RGS6: variants seen among roughly 807,000 people sequenced by gnomAD.
The protein encoded by RGS6 is regulator of G protein signaling 6.
Under a neutral mutation model 78.5 loss-of-function variants are expected in RGS6, and 30 were observed. The ratio of observed to expected loss-of-function variants is 0.38; its 90% CI spans 0.29 to 0.52. RGS6 has a LOEUF of 0.52. Among genes scored for constraint, RGS6 ranks in the 20% least tolerant of loss-of-function variants. The pLI, the probability that RGS6 is intolerant of heterozygous loss-of-function variation, is 0.85. For synonymous variants in RGS6, 206 were observed against 206.0 expected (o/e 1.00, Z 0.00); for missense variants, 495 against 609.7 (o/e 0.81, Z 1.98).
intron 15 of RGS6, among the ~76,000 whole-genome samples, chr14:72,531,537 T>TA (rs1406305399): frequency 4.0e-5 from 6 of 151,148 alleles, no homozygotes; most frequent in Admixed American, 3.3e-4. Flanking sequence ...CTTTTGTAAA[T>TA]ATGAGGGTAT....
intron 2 of RGS6, among the ~76,000 whole-genome samples, chr14:71,997,438 A>G (rs531213126): frequency 6.6e-6 from 1 of 152,342 alleles, no homozygotes; most frequent in African/African-American, 2.4e-5. Flanking sequence ...CATAGCCTAG[A>G]AGGACATAGA....
intron 4 of RGS6, among the ~76,000 whole-genome samples, chr14:72,457,928 C>T (rs926863102): frequency 6.6e-6 from 1 of 152,204 alleles, no homozygotes; most frequent in South Asian, 2.1e-4. Flanking sequence ...CTGTACCAGA[C>T]AATCACTTCA....
chr14:72,021,887 G>GC (rs34914162), intron 2 of RGS6, among the ~76,000 whole-genome samples: 3 of 151,964 alleles, frequency 2.0e-5, no homozygotes, highest in East Asian at 1.9e-4. Context: ...GGTGTATTAA[G>GC]CCTAGTACCC....
At chr14:71,921,089 G>T in the RGS6 span, among the ~76,000 whole-genome samples, 1 of 152,110 alleles carries the variant, frequency 6.6e-6, no homozygotes, top group Non-Finnish European at 1.5e-5. Flanking sequence ...ATAGCCAACT[G>T]GTATATGAAA....
At chr14:72,396,364 C>T (rs951382004) in intron 3 of RGS6, among the ~76,000 whole-genome samples, 4 of 152,150 alleles carry the variant, frequency 2.6e-5, no homozygotes, top group East Asian at 1.9e-4. Context: ...TCATATCCTT[C>T]ACCCACTTTT....
chr14:72,184,369 AACACAC>A (rs10638767), intron 2 of RGS6, among the ~76,000 whole-genome samples: 19,375 of 141,284 alleles, frequency 0.14, 1,488 homozygotes, highest in Admixed American at 0.17. Context: ...TTTACTTTCA[AACACAC>A]ACACACACAC....
chr14:72,328,817 G>C (rs1391882199), intron 2 of RGS6, among the ~76,000 whole-genome samples: 1 of 152,140 alleles, frequency 6.6e-6, no homozygotes, highest in Admixed American at 6.5e-5. Context: ...ATCTTACTGA[G>C]AAAAATGTGA....
At chr14:72,510,757 T>A (rs992192201) in intron 14 of RGS6, among the ~76,000 whole-genome samples, 1 of 152,220 alleles carries the variant, frequency 6.6e-6, no homozygotes, top group African/African-American at 2.4e-5. Context: ...ACTGGTGATG[T>A]AACTGTAGCA....
At chr14:71,986,879 C>G (rs1409665578) in intron 2 of RGS6, among the ~76,000 whole-genome samples, 1 of 152,132 alleles carries the variant, frequency 6.6e-6, no homozygotes, top group Non-Finnish European at 1.5e-5. Flanking sequence ...AGTCATAGCC[C>G]CACATCAGTC....
At chr14:72,370,724 A>T (rs2239225) in intron 3 of RGS6, among the ~76,000 whole-genome samples, 89,358 of 152,074 alleles carry the variant, frequency 0.59, 28,328 homozygotes, top group African/African-American at 0.84. Flanking sequence ...TGAAAAAAAA[A>T]TTTTTTAACA....
chr14:72,474,258 G>T (rs1447932868), intron 9 of RGS6, among the ~76,000 whole-genome samples: 2 of 152,040 alleles, frequency 1.3e-5, no homozygotes, highest in Non-Finnish European at 2.9e-5. Context: ...CTTAAAATTT[G>T]ATTAAAAGCA....
At chr14:72,492,796 C>T (rs964312351) in intron 12 of RGS6, among the ~76,000 whole-genome samples, 1 of 152,168 alleles carries the variant, frequency 6.6e-6, no homozygotes, top group Non-Finnish European at 1.5e-5. Context: ...TGGGCCAAAC[C>T]ATACTCCATT....
chr14:71,876,823 A>T, the RGS6 span, among the ~76,000 whole-genome samples: 12 of 151,888 alleles, frequency 7.9e-5, no homozygotes, highest in African/African-American at 2.7e-4. Flanking sequence ...CCAATTGTTC[A>T]TTTTCATTTT....
chr14:71,942,430 C>T (rs564229266), intron 1 of RGS6, among the ~76,000 whole-genome samples: 1 of 152,110 alleles, frequency 6.6e-6, no homozygotes, highest in South Asian at 2.1e-4. Context: ...CCTTGCTCCC[C>T]TCTCCTCATC....
chr14:71,939,948 C>T (rs1037124066), intron 1 of RGS6, among the ~76,000 whole-genome samples: 5 of 152,224 alleles, frequency 3.3e-5, no homozygotes, highest in South Asian at 2.1e-4. Context: ...ATAGCCGTCA[C>T]CCTACTAGTC....
chr14:72,462,778 T>C (rs1367010323), intron 6 of RGS6, among the ~76,000 whole-genome samples: 1 of 152,204 alleles, frequency 6.6e-6, no homozygotes, highest in Non-Finnish European at 1.5e-5. Context: ...TCACTTCATT[T>C]CTCTGGGCCT....
At chr14:72,029,727 C>A (rs1347767185) in intron 2 of RGS6, among the ~76,000 whole-genome samples, 2 of 152,062 alleles carry the variant, frequency 1.3e-5, no homozygotes, top group East Asian at 1.9e-4. Flanking sequence ...TTCCTCCCTT[C>A]ATTTGGATAG....
chr14:72,338,069 C>T (rs761335950), intron 2 of RGS6, among the ~76,000 whole-genome samples: 6 of 152,140 alleles, frequency 3.9e-5, no homozygotes, highest in Non-Finnish European at 5.9e-5. Context: ...TTTCTCCAGG[C>T]AGATATGGGC....
At chr14:72,091,346 G>A (rs1315000683) in intron 2 of RGS6, among the ~76,000 whole-genome samples, 1 of 152,188 alleles carries the variant, frequency 6.6e-6, no homozygotes, top group Non-Finnish European at 1.5e-5. Context: ...CCTTCCTCAC[G>A]TGAAGAGAGC....
Sources: gnomAD v4.1 joint callset for allele counts (sites outside exome capture counted in the v4.1 genomes callset) on GRCh38, gnomAD v4.1.1 for gene constraint, MANE v1.5 for transcripts, NCBI Gene and HGNC (gene_info 2026-07-23, HGNC 2026-07-21) for gene names.